The following FBXL17 variants were observed in gnomAD, a reference collection of about 807,000 sequenced individuals.
FBXL17 encodes F-box and leucine rich repeat protein 17.
Under a neutral mutation model 66.2 loss-of-function variants are expected in FBXL17, and 22 were observed. That is an observed-to-expected ratio of 0.33 (90% CI 0.24 to 0.47). The LOEUF (loss-of-function observed/expected upper bound fraction) is 0.47. Among genes scored for constraint, FBXL17 ranks in the 20% least tolerant of loss-of-function variants. The probability of loss-of-function intolerance (pLI) is 1.00; values close to 1 mark genes in which losing one functional copy is unlikely to be tolerated. For missense variants in FBXL17, 878 were observed against 948.2 expected (o/e 0.93, Z 0.97); for synonymous variants, 474 against 400.5 (o/e 1.18, Z -2.19).
rs1250468385 is a variant in FBXL17 at position 107,965,969 on chromosome 5, G to A, written c.1822+54956C>T. On this transcript the variant is annotated intron_variant, in intron 7 of 8. Transcript: ENST00000542267. ...TGACAGTTTTTTTTCTATAAAAGACGATATGATTGAATCTGACTAAAACAA... is the reference window on the plus strand; with the variant it reads ...TGACAGTTTTTTTTCTATAAAAGACAATATGATTGAATCTGACTAAAACAA... Among the ~76,000 whole-genome samples, 4 of 151,764 alleles carry A rather than the reference G, an allele frequency of 2.6e-5. No homozygotes were observed. The South Asian group carries it at 6.2e-4, about 24-fold the overall frequency.
intron 4 of FBXL17, among the ~76,000 whole-genome samples, chr5:108,266,139 G>C (rs545509284): frequency 1.3e-5 from 2 of 151,956 alleles, no homozygotes; most frequent in African/African-American, 4.8e-5. Flanking sequence ...GCCAGAATTT[G>C]CTGGAAATCT....
At chr5:108,280,045 A>G (rs1369775477) in intron 4 of FBXL17, among the ~76,000 whole-genome samples, 1 of 152,134 alleles carries the variant, frequency 6.6e-6, no homozygotes, top group East Asian at 1.9e-4. Context: ...AGTTTAGAAA[A>G]CCTATTTAAT....
chr5:107,913,167 A>G (rs1162026574), intron 7 of FBXL17, among the ~76,000 whole-genome samples: 1 of 151,846 alleles, frequency 6.6e-6, no homozygotes, highest in Middle Eastern at 3.2e-3. Context: ...GTTCATGGGG[A>G]GGGTAGAAGG....
At chr5:108,183,034 A>ATTTTTTTTTTTTTTTTTTTTTTTTTTT (rs34101023) in intron 6 of FBXL17, among the ~76,000 whole-genome samples, 3 of 91,558 alleles carry the variant, frequency 3.3e-5, no homozygotes, top group Non-Finnish European at 4.3e-5. Context: ...ACAGTTTTCT[A>ATTTTTTTTTTTTTTTTTTTTTTTTTTT]TTTTTTTTTT....
intron 1 of FBXL17, among the ~76,000 whole-genome samples, chr5:108,373,989 A>T (rs1241667496): frequency 1.3e-5 from 2 of 152,194 alleles, no homozygotes; most frequent in East Asian, 3.9e-4. Flanking sequence ...TTTACAAGAG[A>T]CTCAATTTAG....
chr5:107,933,477 A>G (rs1444131526), intron 7 of FBXL17, among the ~76,000 whole-genome samples: 1 of 152,196 alleles, frequency 6.6e-6, no homozygotes, highest in African/African-American at 2.4e-5. Flanking sequence ...AGGCTTCTCA[A>G]GTATTCTTTA....
chr5:107,990,158 T>C lies in FBXL17; in HGVS notation c.1822+30767A>G, dbSNP rs141125424. 5.7e-3 allele frequency among the ~76,000 whole-genome samples: 872 copies of C among 152,304 alleles called. 7 individuals are homozygous for C. The highest frequency in any genetic ancestry group is 0.019 in the African/African-American group (793 of 41,570). On this transcript the variant is annotated intron_variant, in intron 7 of 8. Transcript: ENST00000542267. Reference sequence around the variant, plus strand: ...CTCCTATGACAGGAAACTAGTAAGGTAAATTCAAGATCCCTAACATTCCTT... The same window carrying C: ...CTCCTATGACAGGAAACTAGTAAGGCAAATTCAAGATCCCTAACATTCCTT...
intron 5 of FBXL17, among the ~76,000 whole-genome samples, chr5:108,196,216 AAAAAC>A (rs749101793): frequency 6.6e-6 from 1 of 150,674 alleles, no homozygotes; most frequent in Non-Finnish European, 1.5e-5. Context: ...CAATTCTTTA[AAAAAC>A]AAAACAAAAC....
chr5:108,273,942 T>A (rs1757379507), intron 4 of FBXL17, among the ~76,000 whole-genome samples: 1 of 152,132 alleles, frequency 6.6e-6, no homozygotes, highest in Non-Finnish European at 1.5e-5. Context: ...AAATCTAGGC[T>A]AATGAATACA....
At chr5:108,229,216 C>T (rs933899978) in intron 4 of FBXL17, among the ~76,000 whole-genome samples, 11 of 152,044 alleles carry the variant, frequency 7.2e-5, no homozygotes, top group African/African-American at 2.7e-4. Flanking sequence ...TCCTAAAATT[C>T]ATATGCAACC....
chr5:108,369,208 G>A (rs1365842637), intron 1 of FBXL17, among the ~76,000 whole-genome samples: 1 of 152,126 alleles, frequency 6.6e-6, no homozygotes, highest in Non-Finnish European at 1.5e-5. Context: ...CACTCCCTCA[G>A]GTGTAAATTG....
chr5:108,211,884 G>T (rs1460204158), intron 5 of FBXL17, among the ~76,000 whole-genome samples: 1 of 152,136 alleles, frequency 6.6e-6, no homozygotes, highest in Non-Finnish European at 1.5e-5. Context: ...GTCTTGCTAG[G>T]TTGGGGAAGT....
chr5:108,131,321 A>G (rs1486063322), intron 6 of FBXL17, among the ~76,000 whole-genome samples: 1 of 152,178 alleles, frequency 6.6e-6, no homozygotes, highest in African/African-American at 2.4e-5. Context: ...TTGCTATAAG[A>G]GTGATTTGTG....
chr5:107,956,161 C>T lies in FBXL17; in HGVS notation c.1822+64764G>A, dbSNP rs116422881. Among the ~76,000 whole-genome samples the T allele has an allele frequency of 3.8e-3, 572 of 151,918 alleles. 2 individuals carry two copies. The highest frequency in any genetic ancestry group is 0.013 in the African/African-American group (543 of 41,476). On this transcript the variant is annotated intron_variant, in intron 7 of 8. Coordinates refer to ENST00000542267, the MANE Select transcript of FBXL17 (RefSeq NM_001163315.3). ...ATTATTATGGAAACTTCTAGATATA[C>T]ACACACACACAATGGATGAATGTAT... is the stretch of plus-strand genomic sequence containing the variant.
At chr5:107,992,756 T>C (rs1158681197) in intron 7 of FBXL17, among the ~76,000 whole-genome samples, 1 of 152,254 alleles carries the variant, frequency 6.6e-6, no homozygotes, top group African/African-American at 2.4e-5. Context: ...ATTTTTTATA[T>C]ATCCCTACCT....
intron 6 of FBXL17, among the ~76,000 whole-genome samples, chr5:108,028,652 A>T (rs1554058455): frequency 6.6e-6 from 1 of 152,096 alleles, no homozygotes; most frequent in Non-Finnish European, 1.5e-5. Flanking sequence ...CCAAAGACTG[A>T]TGTTCAACAC....
At chr5:108,065,642 T>G (rs1239702225) in intron 6 of FBXL17, among the ~76,000 whole-genome samples, 1 of 152,070 alleles carries the variant, frequency 6.6e-6, no homozygotes, top group African/African-American at 2.4e-5. Context: ...CCCTAGAAAA[T>G]AAGACCATCA....
At chr5:107,912,265 G>C (rs1182970229) in intron 7 of FBXL17, among the ~76,000 whole-genome samples, 1 of 152,074 alleles carries the variant, frequency 6.6e-6, no homozygotes. Context: ...ATGATGAAGA[G>C]AATGAAACTC....
At chr5:108,341,842 C>T (rs1216366010) in intron 4 of FBXL17, among the ~76,000 whole-genome samples, 2 of 152,118 alleles carry the variant, frequency 1.3e-5, no homozygotes, top group Admixed American at 1.3e-4. Context: ...TCCATTAGTG[C>T]AATTACCTTA....
Sources: allele counts gnomAD v4.1 joint callset (sites outside exome capture counted in the v4.1 genomes callset), GRCh38; gene constraint gnomAD v4.1.1; transcripts MANE v1.5; gene names NCBI Gene and HGNC (gene_info 2026-07-23, HGNC 2026-07-21).